Variants in AXDND1 observed in about 807,000 individuals in gnomAD.
AXDND1 encodes the protein axonemal dynein light chain domain-containing protein 1.
Under a neutral mutation model 137.5 loss-of-function variants are expected in AXDND1, and 110 were observed. The ratio of observed to expected loss-of-function variants is 0.80; its 90% confidence interval spans 0.69 to 0.94. The LOEUF (loss-of-function observed/expected upper bound fraction) is 0.94. Ranked by LOEUF, AXDND1 falls within the 40% of genes least tolerant of loss-of-function variation. The pLI is 0.00. For missense variants in AXDND1, 1,191 were observed against 1,169.8 expected, an observed-to-expected ratio of 1.02 and a Z score of -0.26; for synonymous variants, 414 against 399.7, an observed-to-expected ratio of 1.04 and a Z score of -0.43.
chr1:179,418,587 C>T (rs1655071208), intron 12 of AXDND1, among the ~76,000 whole-genome samples: 1 of 151,172 alleles, frequency 6.6e-6, no homozygotes, highest in Non-Finnish European at 1.5e-5. Context: ...CACCCCTCAC[C>T]TCCCGGACGG....
At chr1:179,451,946 A>G (rs1218794980) in intron 16 of AXDND1, 1 of 154,434 alleles carries the variant, frequency 6.5e-6, no homozygotes, top group Non-Finnish European at 1.4e-5. Context: ...GTGCTGCTGA[A>G]AAGATACCTG....
intron 9 of AXDND1, among the ~76,000 whole-genome samples, chr1:179,385,980 C>T (rs1212807787): frequency 6.6e-6 from 1 of 151,522 alleles, no homozygotes; most frequent in Non-Finnish European, 1.5e-5. Flanking sequence ...GAGAAATCTG[C>T]TGCCATCCTT....
At chr1:179,481,806 G>A (rs1043069253) in intron 17 of AXDND1, among the ~76,000 whole-genome samples, 8 of 152,122 alleles carry the variant, frequency 5.3e-5, no homozygotes, top group African/African-American at 1.9e-4. Context: ...ATTCTCTGGG[G>A]CATATATTGT....
At chr1:179,534,573 C>T in intron 24 of AXDND1, 157 bp from the exon 25 acceptor site, 1 of 868,216 alleles carries the variant, frequency 1.2e-6, no homozygotes, top group Non-Finnish European at 1.6e-6. Context: ...GCTCCTGGGC[C>T]CCCAGTTCTC....
At chr1:179,474,535 G>A (rs1264802955) in intron 17 of AXDND1, among the ~76,000 whole-genome samples, 1 of 152,166 alleles carries the variant, frequency 6.6e-6, no homozygotes, top group African/African-American at 2.4e-5. Flanking sequence ...ACTGGGAACT[G>A]GAATAAAAGT....
chr1:179,544,389 C>A (rs960062667), intron 25 of AXDND1: 3 of 152,058 alleles, frequency 2.0e-5, no homozygotes, highest in African/African-American at 4.8e-5. Flanking sequence ...AAGAGAAGAT[C>A]TAGGCTGGGC....
intron 12 of AXDND1, among the ~76,000 whole-genome samples, chr1:179,428,271 A>G (rs1440985522): frequency 6.6e-6 from 1 of 152,274 alleles, no homozygotes; most frequent in Admixed American, 6.5e-5. Context: ...GATCCCTCAC[A>G]CTAGAAGTAT....
At chr1:179,392,609 T>A (rs990450150) in intron 9 of AXDND1, among the ~76,000 whole-genome samples, 32 of 152,210 alleles carry the variant, frequency 2.1e-4, no homozygotes, top group African/African-American at 7.5e-4. Flanking sequence ...AAAAGTGTTC[T>A]CTTTTCACCA....
intron 17 of AXDND1, among the ~76,000 whole-genome samples, chr1:179,480,599 C>T (rs1263446763): frequency 1.3e-5 from 2 of 152,194 alleles, no homozygotes; most frequent in Admixed American, 1.3e-4. Flanking sequence ...CTGTTGCCTA[C>T]CTGGTGTATA....
At chr1:179,451,335 TCAAA>T (rs754545639) in intron 16 of AXDND1, 3 of 127,284 alleles carry the variant, frequency 2.4e-5, no homozygotes, top group Non-Finnish European at 5.1e-5. Context: ...TCCGTATATT[TCAAA>T]AAAAAAAAAA....
rs1229960594 is a variant in AXDND1 at position 179,534,961 on chromosome 1, A to G, written c.3030A>G (p.Lys1010=). The G allele has an allele frequency of 1.2e-6, 2 of 1,604,642 alleles. No individual in the cohort carries two copies. The highest frequency in any genetic ancestry group is 2.2e-5 in the East Asian group (1 of 44,756). Residue 1010 remains lysine, a splice_region_variant and synonymous_variant, in exon 25 of 26, where the codon AAA becomes AAG. Coordinates refer to ENST00000367618, the MANE Select transcript of AXDND1 (RefSeq NM_144696.6). ...SAENSSKSPK[K]GH is the part of the protein sequence containing the mutation. ...AAAATTCCTCAAAATCTCCAAAGAAAGGTAAGGATTGCTTCGTATTTTGCT... is the reference window on the plus strand; with the variant it reads ...AAAATTCCTCAAAATCTCCAAAGAAGGGTAAGGATTGCTTCGTATTTTGCT...
intron 17 of AXDND1, among the ~76,000 whole-genome samples, chr1:179,473,733 G>T (rs569743969): frequency 6.6e-6 from 1 of 152,134 alleles, no homozygotes; most frequent in Admixed American, 6.5e-5. Context: ...TTACCCCCAC[G>T]CTGTTCTCAT....
In AXDND1 at chr1:179,486,139, A is replaced by AAAAAAACT. The variant is rs149119239; in HGVS notation, c.2091+2920_2091+2921insAAAACTAA. ...TGTCTCAAAAAAAAAAAAAAAAAAA[A>AAAAAAACT]AACCTGATAGAAATGAAAAACACAC... On this transcript the variant is annotated intron_variant, in intron 18 of 25. Transcript: ENST00000367618. Among the ~76,000 whole-genome samples the AAAAAAACT allele has an allele frequency of 9.6e-3, 845 of 87,692 alleles. 68 individuals are homozygous for AAAAAAACT. The highest frequency in any genetic ancestry group is 0.027 in the African/African-American group (729 of 26,868). 57.5% of individuals were successfully genotyped at this position (87,692 alleles called of 152,430 possible). A position where few individuals can be genotyped will look rare whatever the true frequency, so the allele number is the denominator to read the frequency against.
chr1:179,473,912 A>G (rs758666050), intron 17 of AXDND1, among the ~76,000 whole-genome samples: 10 of 151,994 alleles, frequency 6.6e-5, no homozygotes, highest in Non-Finnish European at 2.9e-5. Context: ...ATCAAATTAA[A>G]CCTCATTTGT....
chr1:179,551,356 G>A, intron 25 of AXDND1: 4 of 1,614,144 alleles, frequency 2.5e-6, no homozygotes, highest in Non-Finnish European at 3.4e-6. Context: ...GGGTGTGGAG[G>A]TATCGAAGCT....
chr1:179,516,884 G>C (rs1041596835), intron 21 of AXDND1, among the ~76,000 whole-genome samples: 2 of 152,146 alleles, frequency 1.3e-5, no homozygotes, highest in Admixed American at 6.6e-5. Flanking sequence ...AGTTCGTGAG[G>C]GTTCTTAGCT....
chr1:179,396,416 G>A (rs1227509793), intron 11 of AXDND1, among the ~76,000 whole-genome samples: 4 of 152,104 alleles, frequency 2.6e-5, no homozygotes, highest in South Asian at 2.1e-4. Flanking sequence ...TTGGGAGGCC[G>A]AGGTGGGTGG....
chr1:179,432,192 C>CT (rs1657470389), intron 14 of AXDND1, 75 bp from the exon 15 acceptor site: 1 of 1,445,010 alleles, frequency 6.9e-7, no homozygotes, highest in African/African-American at 1.5e-5. Context: ...GTTGTTTAGT[C>CT]TTTAGTGTGT....
chr1:179,366,811 T>C (rs1667465172), intron 2 of AXDND1, among the ~76,000 whole-genome samples: 2 of 152,182 alleles, frequency 1.3e-5, no homozygotes, highest in South Asian at 2.1e-4. Context: ...CTAAATACAG[T>C]TTATACTTTT....
Sources: allele counts gnomAD v4.1 joint callset (sites outside exome capture counted in the v4.1 genomes callset), GRCh38; gene constraint gnomAD v4.1.1; transcripts MANE v1.5; gene names NCBI Gene and HGNC (gene_info 2026-07-23, HGNC 2026-07-21).